RNASEL: variants seen among roughly 807,000 people sequenced by gnomAD.
RNASEL encodes the protein ribonuclease L, also known as 2-5A-dependent ribonuclease.
RNASEL carries 36 observed loss-of-function variants against 50.9 expected under a neutral mutation model. The observed-to-expected ratio is 0.71, with a 90% CI of 0.54 to 0.93. The LOEUF is 0.93. RNASEL is among the 40% of genes least tolerant of loss of function. RNASEL has a pLI of 0.00. For missense variants in RNASEL, 860 were observed against 894.5 expected (o/e 0.96, Z 0.49); for synonymous variants, 335 against 335.6 (o/e 1.00, Z 0.02).
Position 182,586,978 on chromosome 1 carries a change from C to G in RNASEL, c.-164-8G>C, listed in dbSNP as rs907786540. The G allele has an allele frequency of 1.3e-6, 1 of 748,626 alleles. No individual in the cohort carries two copies. The highest frequency in any genetic ancestry group is 2.4e-5 in the Admixed American group (1 of 42,098). The allele number at this position is 748,626 out of a possible 1,614,324, so 46.4% of individuals were successfully genotyped here. On this transcript the variant is annotated splice_region_variant and splice_polypyrimidine_tract_variant and intron_variant, in intron 1 of 6. Coordinates refer to ENST00000367559, the MANE Select transcript of RNASEL (RefSeq NM_021133.4). ...AGTCTTCTGACATTCCACCTGGCAACGAAGAGAGGTGCTTTGTAATTTTAC... is the reference window on the plus strand; with the variant it reads ...AGTCTTCTGACATTCCACCTGGCAAGGAAGAGAGGTGCTTTGTAATTTTAC...
At position 182,586,918 on chromosome 1, in the gene RNASEL, A is replaced by G; in HGVS notation, c.-112T>C. 7.3e-7 allele frequency: 1 copy of G among 1,368,106 alleles called. No homozygotes were observed. The highest frequency in any genetic ancestry group is 1.0e-6 in the Non-Finnish European group (1 of 967,262). The allele number at this position is 1,368,106 out of a possible 1,614,324, so 84.7% of individuals were successfully genotyped here. A position where few individuals can be genotyped will look rare whatever the true frequency, so the allele number is the denominator to read the frequency against. On this transcript the variant is annotated 5_prime_UTR_variant, in exon 2 of 7. Transcript: ENST00000367559. Reference sequence around the variant, plus strand: ...GAGTGTAAATTGGGATTCTCTGGCAACAGAGCAGCAGTATGAAGAAGGAAC... The same window carrying G: ...GAGTGTAAATTGGGATTCTCTGGCAGCAGAGCAGCAGTATGAAGAAGGAAC...
At chr1:182,582,282 C>T in intron 3 of RNASEL, 24 bp from the exon 4 acceptor site, 1 of 1,613,602 alleles carries the variant, frequency 6.2e-7, no homozygotes. Flanking sequence ...ATAAATCAAG[C>T]CAAAGATGCT....
chr1:182,576,606 T>G (rs1356333925), intron 5 of RNASEL, among the ~76,000 whole-genome samples: 1 of 152,072 alleles, frequency 6.6e-6, no homozygotes, highest in East Asian at 1.9e-4. Context: ...GTGGCTCACA[T>G]CTGTAGTCCC....
At chr1:182,580,855 C>T (rs1417365912) in intron 5 of RNASEL, among the ~76,000 whole-genome samples, 1 of 152,220 alleles carries the variant, frequency 6.6e-6, no homozygotes, top group African/African-American at 2.4e-5. Context: ...TGAAACACCT[C>T]ATGGTGAAGC....
At position 182,589,188 on chromosome 1, in the gene RNASEL, A is replaced by G. The variant is rs1478782226; in HGVS notation, c.-186T>C. 6.6e-6 allele frequency: 1 copy of G among 152,222 alleles called. No individual in the cohort carries two copies. The highest frequency in any genetic ancestry group is 1.5e-5 in the Non-Finnish European group (1 of 68,060). The allele number at this position is 152,222 out of a possible 1,614,324, so 9.4% of individuals were successfully genotyped here. Reference sequence around the variant, plus strand: ...TTACCTGCTCAACTCAGACGTCTCAATTATTCCTTTGGCAGCCGCAAAGCC... The same window carrying G: ...TTACCTGCTCAACTCAGACGTCTCAGTTATTCCTTTGGCAGCCGCAAAGCC... On this transcript the variant is annotated 5_prime_UTR_variant, in exon 1 of 7. Coordinates refer to ENST00000367559, the MANE Select transcript of RNASEL (RefSeq NM_021133.4).
chr1:182,586,218 C>G lies in RNASEL; in HGVS notation c.589G>C (p.Ala197Pro), dbSNP rs762520521. 2.5e-6 allele frequency: 4 copies of G among 1,614,186 alleles called. No individual in the cohort carries two copies. Among genetic ancestry groups the G allele is most frequent in the Non-Finnish European group, 3.4e-6 (4 of 1,180,036 alleles). ...LLDEMGADVN[A>P]CDNMGRNALI... is the part of the protein sequence containing the mutation. ...GCATTTCTGCCCATATTGTCACAGG[C>G]GTTTACATCTGCCCCCATCTCATCA... The change falls in exon 2 of 7, where the codon GCC becomes CCC. Residue 197 changes from alanine (A) to proline (P), a missense_variant. Transcript: ENST00000367559.
intron 4 of RNASEL, among the ~76,000 whole-genome samples, chr1:182,581,771 C>A (rs1014037695): frequency 6.6e-6 from 1 of 152,008 alleles, no homozygotes; most frequent in Admixed American, 6.6e-5. Flanking sequence ...TGAGCCACCG[C>A]GCCTGGCTAG....
At position 182,585,487 on chromosome 1, in the gene RNASEL, A is replaced by T; in HGVS notation, c.1320T>A (p.Thr440=). 1.2e-6 allele frequency: 2 copies of T among 1,614,170 alleles called. No homozygotes were observed. Among genetic ancestry groups the T allele is most frequent in the Non-Finnish European group, 8.5e-7 (1 of 1,180,034 alleles). The change falls in exon 2 of 7, where the codon ACT becomes ACA. Residue 440 remains threonine, a synonymous_variant. Coordinates refer to ENST00000367559, the MANE Select transcript of RNASEL (RefSeq NM_021133.4). ...LFVCVTLCEQ[T]LEACLDVHRG... ...TGTGCACATCCAAACACGCTTCCAG[A>T]GTCTGCTCACAGAGGGTGACACACA...
In RNASEL at chr1:182,584,258, A is replaced by C. The variant is rs145873160; in HGVS notation, c.1481-92T>G. On this transcript the variant is annotated intron_variant, in intron 2 of 6. Transcript: ENST00000367559. ...TATATAAATATGTAACATGCTATAA[A>C]AATCATCATCTCTGTGGAAGGCAAT... 42 of 871,684 alleles carry C rather than the reference A, an allele frequency of 4.8e-5. No individual in the cohort carries two copies. In the African/African-American group the frequency reaches 6.1e-4, roughly 13 times the overall value. The allele number at this position is 871,684 out of a possible 1,614,324, so 54.0% of individuals were successfully genotyped here. A position where few individuals can be genotyped will look rare whatever the true frequency, so the allele number is the denominator to read the frequency against.
At chr1:182,579,208 A>T in intron 5 of RNASEL, 1 of 976,222 alleles carries the variant, frequency 1.0e-6, no homozygotes, top group Non-Finnish European at 1.2e-6. Context: ...CTATACTAGT[A>T]CCCTCTAAAA....
chr1:182,586,284 C>A lies in RNASEL; in HGVS notation c.523G>T (p.Ala175Ser), dbSNP rs374109517. ...RKGGATALMD[A>S]AEKGHVEVLK... is the part of the protein sequence containing the mutation. ...ACCTCTACGTGTCCTTTTTCAGCAGCGTCCATGAGAGCTGTGGCCCCTCCT... is the reference window on the plus strand; with the variant it reads ...ACCTCTACGTGTCCTTTTTCAGCAGAGTCCATGAGAGCTGTGGCCCCTCCT... The change falls in exon 2 of 7, where the codon GCT becomes TCT. Residue 175 changes from alanine (A) to serine (S), a missense_variant. Physicochemically the swap from Ala to Ser is moderately conservative, Grantham distance 99 (BLOSUM62 1). Coordinates refer to ENST00000367559, the MANE Select transcript of RNASEL (RefSeq NM_021133.4). 6.2e-6 allele frequency: 10 copies of A among 1,614,074 alleles called. No homozygotes were observed. In the African/African-American group the frequency reaches 1.3e-4, roughly 22 times the overall value.
At chr1:182,587,092 T>G (rs1486954515) in intron 1 of RNASEL, 122 bp from the exon 2 acceptor site, 1 of 227,564 alleles carries the variant, frequency 4.4e-6, no homozygotes, top group African/African-American at 2.3e-5. Flanking sequence ...AACTTTTAAA[T>G]TACAGAATAT....
At chr1:182,577,218 T>C (rs923212645) in intron 5 of RNASEL, among the ~76,000 whole-genome samples, 3 of 151,976 alleles carry the variant, frequency 2.0e-5, no homozygotes, top group Non-Finnish European at 2.9e-5. Flanking sequence ...AAACTATATA[T>C]ATAATTGTGT....
rs1442093880 is a variant in RNASEL, at chr1:182,583,960, A to T, written c.1566+121T>A. ...TGACCGTGTGAGTCAATTCTCCTTA[A>T]TAAACTCCCTTTCATATATACATAT... On this transcript the variant is annotated intron_variant, in intron 3 of 6. Transcript: ENST00000367559. The T allele has an allele frequency of 5.1e-6, 4 of 782,794 alleles. No individual in the cohort carries two copies. In the Admixed American group the frequency reaches 7.3e-5, roughly 14 times the overall value. 48.5% of individuals were successfully genotyped at this position (782,794 alleles called of 1,614,324 possible). A position where few individuals can be genotyped will look rare whatever the true frequency, so the allele number is the denominator to read the frequency against.
rs755178150 is a variant in RNASEL at position 182,584,078 on chromosome 1, T to C, written c.1566+3A>G. 1.2e-6 allele frequency: 2 copies of C among 1,608,408 alleles called. No homozygotes were observed. Among genetic ancestry groups the C allele is most frequent in the Non-Finnish European group, 1.7e-6 (2 of 1,174,808 alleles). Reference sequence around the variant, plus strand: ...GAAAGGTAAACTGGATTGTAGAATTTACCTCTAGATCTCTCTTGACTTCCT... The same window carrying C: ...GAAAGGTAAACTGGATTGTAGAATTCACCTCTAGATCTCTCTTGACTTCCT... On this transcript the variant is annotated splice_donor_region_variant and intron_variant, in intron 3 of 6. Coordinates refer to ENST00000367559, the MANE Select transcript of RNASEL (RefSeq NM_021133.4).
chr1:182,582,625 G>A (rs1661517925), intron 3 of RNASEL, among the ~76,000 whole-genome samples: 1 of 152,128 alleles, frequency 6.6e-6, no homozygotes, highest in South Asian at 2.1e-4. Flanking sequence ...TGGGACTTTG[G>A]GTCTGAGGCT....
intron 5 of RNASEL, chr1:182,579,871 C>T (rs1464016672): frequency 1.9e-6 from 1 of 537,466 alleles, no homozygotes; most frequent in Non-Finnish European, 3.3e-6. Context: ...AGACTTGATG[C>T]CATCACAGCT....
In RNASEL at chr1:182,585,330, T is replaced by C. The variant is rs771583982; in HGVS notation, c.1477A>G (p.Ile493Val). The C allele has an allele frequency of 6.8e-6, 11 of 1,613,934 alleles. No individual in the cohort carries two copies. The East Asian group carries it at 2.5e-4, about 36-fold the overall frequency. Residue 493 changes from isoleucine (I) to valine (V), a missense_variant, in exon 2 of 7, where the codon ATA becomes GTA. By Grantham distance (29) the Ile-to-Val change is conservative (BLOSUM62 3). Coordinates refer to ENST00000367559, the MANE Select transcript of RNASEL (RefSeq NM_021133.4). ...HQDLQPQNIL[I>V]DSKKAAHLAD... is the part of the protein sequence containing the mutation. ...GAATTGGGGATTGGGGACTCACCTATTAAGATGTTTTGTGGTTGCAGATCC... is the reference window on the plus strand; with the variant it reads ...GAATTGGGGATTGGGGACTCACCTACTAAGATGTTTTGTGGTTGCAGATCC...
chr1:182,579,030 T>C (rs2102364797), intron 5 of RNASEL: 1 of 155,674 alleles, frequency 6.4e-6, no homozygotes, highest in South Asian at 2.0e-4. Context: ...CAATAATGTG[T>C]ACACATGGAT....
Sources: gnomAD v4.1 joint callset for allele counts (sites outside exome capture counted in the v4.1 genomes callset) on GRCh38, gnomAD v4.1.1 for gene constraint, MANE v1.5 for transcripts, NCBI Gene and HGNC (gene_info 2026-07-23, HGNC 2026-07-21) for gene names.